The following DNM3 variants were observed in gnomAD, a reference collection of about 807,000 sequenced individuals.
The protein encoded by DNM3 is dynamin-3.
Under a neutral mutation model 101.6 loss-of-function variants are expected in DNM3, and 47 were observed. That is an observed-to-expected ratio of 0.46 (90% CI 0.37 to 0.59). The LOEUF (loss-of-function observed/expected upper bound fraction) is 0.59. Among genes scored for constraint, DNM3 ranks in the 20% least tolerant of loss-of-function variants. DNM3 has a pLI of 0.00. For missense variants in DNM3, 849 were observed against 1,085.7 expected (o/e 0.78, Z 3.06); for synonymous variants, 385 against 387.9 (o/e 0.99, Z 0.09).
In DNM3 at chr1:172,388,712, C is replaced by G; in HGVS notation, c.2425C>G (p.Pro809Ala). 1 of 1,613,806 alleles carries G rather than the reference C, an allele frequency of 6.2e-7. No individual in the cohort carries two copies. Among genetic ancestry groups the G allele is most frequent in the South Asian group, 1.1e-5 (1 of 91,006 alleles). ...TGGGGCTCCTCCAGTCCCATTCCGT[C>G]CAGGCCCATTACCTCCTTTCCCCAG... ...HSGAPPVPFR[P>A]GPLPPFPSSS... The change falls in exon 20 of 21, where the codon CCA becomes GCA. Residue 809 changes from proline (P) to alanine (A), a missense_variant. By Grantham distance (27) the Pro-to-Ala change is conservative. Coordinates refer to ENST00000627582, the MANE Select transcript of DNM3 (RefSeq NM_015569.5).
At chr1:172,041,369 T>A (rs544906564) in intron 7 of DNM3, among the ~76,000 whole-genome samples, 1 of 152,276 alleles carries the variant, frequency 6.6e-6, no homozygotes, top group African/African-American at 2.4e-5. Context: ...GACTTGGGAA[T>A]GCAGGAGGAT....
intron 2 of DNM3, among the ~76,000 whole-genome samples, chr1:171,950,713 G>C (rs1571789922): frequency 1.3e-5 from 2 of 152,246 alleles, no homozygotes; most frequent in East Asian, 1.9e-4. Flanking sequence ...TTACCAAGGA[G>C]CATGATTAAA....
intron 1 of DNM3, among the ~76,000 whole-genome samples, chr1:171,868,971 C>T (rs975175505): frequency 6.6e-6 from 1 of 152,038 alleles, no homozygotes; most frequent in Non-Finnish European, 1.5e-5. Context: ...TTAGTAGAGA[C>T]AGGGTTTCTC....
intron 15 of DNM3, among the ~76,000 whole-genome samples, chr1:172,257,587 C>T (rs1462443539): frequency 6.6e-6 from 1 of 151,888 alleles, no homozygotes; most frequent in Non-Finnish European, 1.5e-5. Flanking sequence ...TTTATTGATA[C>T]ATAATATTTA....
At chr1:172,370,885 C>A (rs2068285954) in intron 17 of DNM3, among the ~76,000 whole-genome samples, 1 of 151,974 alleles carries the variant, frequency 6.6e-6, no homozygotes, top group Admixed American at 6.6e-5. Context: ...TCTTTGTCTG[C>A]CTTCCTAGGA....
At chr1:172,305,353 TA>T (rs1445726192) in intron 15 of DNM3, among the ~76,000 whole-genome samples, 7 of 152,150 alleles carry the variant, frequency 4.6e-5, no homozygotes, top group African/African-American at 1.7e-4. Context: ...AATCTCTGAA[TA>T]GACCAATAAC....
At chr1:171,965,325 T>C (rs1255762892) in intron 2 of DNM3, among the ~76,000 whole-genome samples, 1 of 151,670 alleles carries the variant, frequency 6.6e-6, no homozygotes, top group Non-Finnish European at 1.5e-5. Flanking sequence ...GGTGGATTGC[T>C]TGAGGCCAAG....
intron 14 of DNM3, among the ~76,000 whole-genome samples, chr1:172,161,627 A>C (rs1175582072): frequency 6.6e-6 from 1 of 152,040 alleles, no homozygotes; most frequent in Non-Finnish European, 1.5e-5. Context: ...TCAGGACTGC[A>C]ATCTGGTAAT....
downstream of DNM3, among the ~76,000 whole-genome samples, chr1:172,416,363 A>T (rs1323145499): frequency 4.6e-5 from 7 of 152,198 alleles, no homozygotes; most frequent in Non-Finnish European, 8.8e-5. Flanking sequence ...ATATCCTTAA[A>T]AGAACTAATT....
intron 2 of DNM3, among the ~76,000 whole-genome samples, chr1:171,947,012 A>C (rs1475168297): frequency 6.6e-6 from 1 of 152,190 alleles, no homozygotes; most frequent in African/African-American, 2.4e-5. Context: ...ATCAGATTTT[A>C]ACATGAGACT....
At position 171,852,004 on chromosome 1, in the gene DNM3, C is replaced by A. The variant is rs555774897; in HGVS notation, c.161+10187C>A. Among the ~76,000 whole-genome samples, 317 of 152,274 alleles carry A rather than the reference C, an allele frequency of 2.1e-3. 1 individual carries two copies. Among genetic ancestry groups the A allele is most frequent in the Non-Finnish European group, 3.5e-3 (239 of 68,026 alleles). On this transcript the variant is annotated intron_variant, in intron 1 of 20. Coordinates refer to ENST00000627582, the MANE Select transcript of DNM3 (RefSeq NM_015569.5). ...ATTTGGTTATTTTCTATTTAAATGG[C>A]AGGACATATCTTTTTATTAGAGAAG...
intron 1 of DNM3, among the ~76,000 whole-genome samples, chr1:171,919,774 A>G (rs1317712567): frequency 6.6e-6 from 1 of 152,220 alleles, no homozygotes; most frequent in Non-Finnish European, 1.5e-5. Context: ...CATTATAAAG[A>G]GAGTATTGTT....
At chr1:172,126,259 A>G (rs1421570715) in intron 13 of DNM3, among the ~76,000 whole-genome samples, 1 of 152,170 alleles carries the variant, frequency 6.6e-6, no homozygotes, top group Non-Finnish European at 1.5e-5. Flanking sequence ...ATGGCAGCTT[A>G]ATTGCTGACA....
intron 16 of DNM3, among the ~76,000 whole-genome samples, chr1:172,317,025 T>C (rs61806069): frequency 6.6e-6 from 1 of 151,960 alleles, no homozygotes; most frequent in Non-Finnish European, 1.5e-5. Flanking sequence ...GAACAGAAGT[T>C]ATAACAAACT....
chr1:171,854,035 G>C (rs1358258893), intron 1 of DNM3, among the ~76,000 whole-genome samples: 1 of 152,106 alleles, frequency 6.6e-6, no homozygotes, highest in African/African-American at 2.4e-5. Context: ...GACCAAAATG[G>C]GTTCAAACAA....
chr1:172,133,855 G>T (rs911221028), intron 14 of DNM3, among the ~76,000 whole-genome samples: 1 of 152,018 alleles, frequency 6.6e-6, no homozygotes, highest in Admixed American at 6.6e-5. Context: ...AGGAACAGTG[G>T]GGGAGAAAGG....
intron 14 of DNM3, among the ~76,000 whole-genome samples, chr1:172,185,969 T>C (rs2059508249): frequency 6.6e-6 from 1 of 152,260 alleles, no homozygotes; most frequent in East Asian, 1.9e-4. Flanking sequence ...ATATTTTACA[T>C]TGTTTTATAA....
intron 4 of DNM3, 133 bp from the exon 5 acceptor site, chr1:172,032,269 A>G (rs2048664087): frequency 2.9e-6 from 2 of 690,320 alleles, no homozygotes; most frequent in Non-Finnish European, 5.0e-6. Context: ...TAGCACTTAG[A>G]AAACAAAGTA....
At chr1:171,928,852 T>G (rs2040785701) in intron 2 of DNM3, among the ~76,000 whole-genome samples, 1 of 152,068 alleles carries the variant, frequency 6.6e-6, no homozygotes, top group Admixed American at 6.5e-5. Flanking sequence ...AGAGCTCTTG[T>G]GGTATGCTTG....
Sources: allele counts gnomAD v4.1 joint callset (sites outside exome capture counted in the v4.1 genomes callset), GRCh38; gene constraint gnomAD v4.1.1; transcripts MANE v1.5; gene names NCBI Gene and HGNC (gene_info 2026-07-23, HGNC 2026-07-21).